The following LRFN2 variants were observed in gnomAD, a reference collection of about 807,000 sequenced individuals.
LRFN2 encodes the protein leucine rich repeat and fibronectin type III domain containing 2, also known as leucine-rich repeat and fibronectin type-III domain-containing protein 2.
A neutral mutation model predicts 37.3 loss-of-function variants in LRFN2; 18 were observed. The ratio of observed to expected loss-of-function variants is 0.48; its 90% CI spans 0.33 to 0.72. LRFN2 has a LOEUF of 0.72. LRFN2 is among the 30% of genes least tolerant of loss of function. The pLI is 0.02. For missense variants in LRFN2, 1,006 were observed against 1,060.7 expected (o/e 0.95, Z 0.72); for synonymous variants, 556 against 466.6 (o/e 1.19, Z -2.47).
intron 1 of LRFN2, among the ~76,000 whole-genome samples, chr6:40,475,413 T>C (rs190185527): frequency 6.6e-6 from 1 of 152,060 alleles, no homozygotes; most frequent in Non-Finnish European, 1.5e-5. Flanking sequence ...CTAAGCTGTG[T>C]GTGTGCAGGC....
At chr6:40,523,900 C>T (rs1413402717) in intron 1 of LRFN2, 2 of 151,942 alleles carry the variant, frequency 1.3e-5, no homozygotes, top group Non-Finnish European at 2.9e-5. Context: ...TTAGACACAA[C>T]CTGAGGCTCA....
intron 2 of LRFN2, among the ~76,000 whole-genome samples, chr6:40,407,341 T>C (rs753827455): frequency 2.0e-5 from 3 of 152,168 alleles, no homozygotes; most frequent in African/African-American, 4.8e-5. Flanking sequence ...GACAGAAATC[T>C]CTCTTTGAAG....
At chr6:40,537,686 A>G (rs1766476086) in intron 1 of LRFN2, among the ~76,000 whole-genome samples, 1 of 152,090 alleles carries the variant, frequency 6.6e-6, no homozygotes, top group South Asian at 2.1e-4. Context: ...CCAGACCACA[A>G]GCTCCACTGT....
At chr6:40,475,904 T>A (rs1179915707) in intron 1 of LRFN2, among the ~76,000 whole-genome samples, 1 of 152,194 alleles carries the variant, frequency 6.6e-6, no homozygotes, top group African/African-American at 2.4e-5. Context: ...TGAAAGAGCA[T>A]CCAAGGATTT....
At chr6:40,431,217 G>A (rs1763471294) in intron 2 of LRFN2, among the ~76,000 whole-genome samples, 1 of 152,138 alleles carries the variant, frequency 6.6e-6, no homozygotes, top group African/African-American at 2.4e-5. Context: ...TGAGAAAACT[G>A]AGGGAGGCCA....
At chr6:40,422,451 T>C (rs113379263) in intron 2 of LRFN2, among the ~76,000 whole-genome samples, 28 of 151,978 alleles carry the variant, frequency 1.8e-4, no homozygotes, top group Admixed American at 3.9e-4. Context: ...CCTTTTTTGG[T>C]GGGGGGATGC....
At chr6:40,573,436 G>C (rs1171310449) in intron 1 of LRFN2, among the ~76,000 whole-genome samples, 1 of 152,206 alleles carries the variant, frequency 6.6e-6, no homozygotes, top group Non-Finnish European at 1.5e-5. Flanking sequence ...CCTCTTTGCT[G>C]TAATTTGCCT....
intron 1 of LRFN2, among the ~76,000 whole-genome samples, chr6:40,574,864 C>A (rs929678961): frequency 1.3e-5 from 2 of 152,170 alleles, no homozygotes; most frequent in Admixed American, 6.5e-5. Context: ...CATCCTCAGG[C>A]TCAGGACCCT....
chr6:40,561,212 G>GA (rs1418170505), intron 1 of LRFN2, among the ~76,000 whole-genome samples: 1 of 152,194 alleles, frequency 6.6e-6, no homozygotes, highest in Non-Finnish European at 1.5e-5. Context: ...AATCCTCAGG[G>GA]ACTGGTCCCC....
chr6:40,421,309 C>A (rs2113814367), intron 2 of LRFN2, among the ~76,000 whole-genome samples: 1 of 152,240 alleles, frequency 6.6e-6, no homozygotes, highest in Non-Finnish European at 1.5e-5. Flanking sequence ...AAGGACATGC[C>A]CATGATGCAG....
intron 1 of LRFN2, among the ~76,000 whole-genome samples, chr6:40,445,436 T>C (rs1339407689): frequency 6.6e-6 from 1 of 152,180 alleles, no homozygotes; most frequent in Non-Finnish European, 1.5e-5. Flanking sequence ...ATGGGAATTC[T>C]ATGGAAGACT....
chr6:40,561,781 G>A (rs907748146), intron 1 of LRFN2, among the ~76,000 whole-genome samples: 5 of 152,162 alleles, frequency 3.3e-5, no homozygotes, highest in African/African-American at 4.8e-5. Context: ...GGAAGGAAGG[G>A]AGAATTCTCA....
At chr6:40,553,967 G>A (rs527898878) in intron 1 of LRFN2, among the ~76,000 whole-genome samples, 44 of 152,270 alleles carry the variant, frequency 2.9e-4, no homozygotes, top group Non-Finnish European at 5.1e-4. Context: ...CAGAGAGGCC[G>A]CTGTCTCTCC....
At chr6:40,434,511 C>T (rs868402844) in intron 1 of LRFN2, among the ~76,000 whole-genome samples, 2 of 150,636 alleles carry the variant, frequency 1.3e-5, no homozygotes, top group Non-Finnish European at 1.5e-5. Context: ...CGGAGTCTCA[C>T]TCTGTCTCCC....
At chr6:40,459,540 C>T (rs16893625) in intron 1 of LRFN2, among the ~76,000 whole-genome samples, 75,361 of 152,078 alleles carry the variant, frequency 0.5, 18,990 homozygotes, top group South Asian at 0.59. Flanking sequence ...TTCACCATTC[C>T]CTGCTTCCTA....
intron 1 of LRFN2, among the ~76,000 whole-genome samples, chr6:40,466,112 G>A (rs571708765): frequency 5.3e-5 from 8 of 152,236 alleles, no homozygotes; most frequent in African/African-American, 1.9e-4. Context: ...CACTTCTTTG[G>A]GGTCTGAGAT....
chr6:40,515,416 C>T (rs1048516829), intron 1 of LRFN2, among the ~76,000 whole-genome samples: 4 of 152,216 alleles, frequency 2.6e-5, no homozygotes, highest in Non-Finnish European at 5.9e-5. Context: ...TTGAGGGTCA[C>T]TCTGTTGGGG....
intron 1 of LRFN2, among the ~76,000 whole-genome samples, chr6:40,445,045 T>C (rs1763937957): frequency 6.6e-6 from 1 of 152,094 alleles, no homozygotes; most frequent in Non-Finnish European, 1.5e-5. Context: ...GCAGCAATGA[T>C]TCAACCATTC....
chr6:40,539,212 C>T (rs563385386), intron 1 of LRFN2, among the ~76,000 whole-genome samples: 1 of 152,286 alleles, frequency 6.6e-6, no homozygotes, highest in Admixed American at 6.5e-5. Flanking sequence ...AGCTGTTAGC[C>T]ACGGATATCT....
Sources: gnomAD v4.1 joint callset for allele counts (sites outside exome capture counted in the v4.1 genomes callset) on GRCh38, gnomAD v4.1.1 for gene constraint, MANE v1.5 for transcripts, NCBI Gene and HGNC (gene_info 2026-07-23, HGNC 2026-07-21) for gene names.